Variants in NPHP4 observed in about 807,000 individuals in gnomAD.
NPHP4 encodes nephrocystin 4, also known as nephrocystin-4.
A neutral mutation model predicts 155.8 loss-of-function variants in NPHP4; 151 were observed. The observed-to-expected ratio is 0.97, with a 90% CI of 0.85 to 1.11. The LOEUF (loss-of-function observed/expected upper bound fraction) is 1.11, where lower values mean the gene tolerates loss of function less well. NPHP4 is among the 50% of genes least tolerant of loss of function. The pLI is 0.00. For synonymous variants in NPHP4, 845 were observed against 816.8 expected (o/e 1.03, Z -0.59); for missense variants, 1,956 against 1,925.7 (o/e 1.02, Z -0.29).
chr1:5,863,931 C>T lies in NPHP4; in HGVS notation c.4099G>A (p.Asp1367Asn), dbSNP rs367636423. 4.6e-5 allele frequency: 75 copies of T among 1,613,766 alleles called. No homozygotes were observed. Among genetic ancestry groups the T allele is most frequent in the African/African-American group, 3.2e-4 (24 of 74,904 alleles). Reference protein sequence around the residue: ...PSRRTFHLHSDHPELLRFRED... With the variant: ...PSRRTFHLHSNHPELLRFRED... ...CTGAACCGCAGCAGCTCCGGGTGGTCGCTGTGCAGGTGGAATGTCCTCCGG... is the reference window on the plus strand; with the variant it reads ...CTGAACCGCAGCAGCTCCGGGTGGTTGCTGTGCAGGTGGAATGTCCTCCGG... Residue 1367 changes from aspartate to asparagine, a missense_variant, in exon 29 of 30, where the codon GAC becomes AAC. Asp to Asn is a conservative substitution (Grantham distance 23, BLOSUM62 1). Coordinates refer to ENST00000378156, the MANE Select transcript of NPHP4 (RefSeq NM_015102.5).
chr1:5,927,602 T>C lies in NPHP4; in HGVS notation c.1441+47A>G, dbSNP rs373336047. 1.2e-5 allele frequency: 19 copies of C among 1,564,000 alleles called. No individual in the cohort carries two copies. The African/African-American group carries it at 1.6e-4, about 13-fold the overall frequency. ...ACCTTTCCCCGGGAAGAGATGGAAG[T>C]GCTGCCTGCCATGTGCCTGGCCAGT... On this transcript the variant is annotated intron_variant, in intron 11 of 29. Coordinates refer to ENST00000378156, the MANE Select transcript of NPHP4 (RefSeq NM_015102.5).
In NPHP4 at chr1:5,935,092, T is replaced by C. The variant is rs751239523; in HGVS notation, c.1120-1763A>G. Among the ~76,000 whole-genome samples the C allele has an allele frequency of 7.9e-4, 120 of 152,332 alleles. 2 individuals carry two copies. Among genetic ancestry groups the C allele is most frequent in the Non-Finnish European group, 1.6e-3 (106 of 68,030 alleles). On this transcript the variant is annotated intron_variant, in intron 9 of 29. Transcript: ENST00000378156. The stretch of plus-strand genomic sequence containing the variant: ...ACAGCCAACTTCATATACAAGCAGA[T>C]GTGAATACAGAAAAGAAAACAGTTC...
At chr1:5,866,586 T>A in intron 25 of NPHP4, 128 bp from the exon 26 acceptor site, 1 of 643,172 alleles carries the variant, frequency 1.6e-6, no homozygotes, top group Non-Finnish European at 2.9e-6. Flanking sequence ...CTGTTCATGT[T>A]CTATACCAAT....
intron 6 of NPHP4, among the ~76,000 whole-genome samples, chr1:5,956,686 G>C (rs1393195660): frequency 6.6e-6 from 1 of 152,174 alleles, no homozygotes; most frequent in Non-Finnish European, 1.5e-5. Flanking sequence ...CACATCTGAA[G>C]GGCTAGCTAG....
Position 5,944,820 on chromosome 1 carries a change from A to C in NPHP4, c.1119+2284T>G, listed in dbSNP as rs891614038. ...CCCCGTCTCTATTAAAAATACAAAA[A>C]TTAGCTGGGCATGGTGGCCCGTGCC... On this transcript the variant is annotated intron_variant, in intron 9 of 29. Coordinates refer to ENST00000378156, the MANE Select transcript of NPHP4 (RefSeq NM_015102.5). The surrounding 1 kb of genome is among the most constrained non-coding windows in gnomAD (Gnocchi z 4.3). Among the ~76,000 whole-genome samples the C allele has an allele frequency of 9.2e-5, 14 of 152,084 alleles. No homozygotes were observed. The highest frequency in any genetic ancestry group is 7.9e-4 in the Admixed American group (12 of 15,274).
Position 5,903,816 on chromosome 1 carries a change from C to G in NPHP4, c.2143+801G>C, listed in dbSNP as rs368442086. ...CAAGGGAGGTGTTCTAGAAGCAGAA[C>G]GTCACCTCTGCACAAATGACACAGC... On this transcript the variant is annotated intron_variant, in intron 16 of 29. Coordinates refer to ENST00000378156, the MANE Select transcript of NPHP4 (RefSeq NM_015102.5). Among the ~76,000 whole-genome samples, 20 of 152,306 alleles carry G rather than the reference C, an allele frequency of 1.3e-4. No homozygotes were observed. The East Asian group carries it at 2.1e-3, about 16-fold the overall frequency.
At chr1:5,962,686 A>G (rs1032006147) in intron 5 of NPHP4, among the ~76,000 whole-genome samples, 5 of 152,230 alleles carry the variant, frequency 3.3e-5, no homozygotes, top group African/African-American at 1.2e-4. Context: ...GATCCGAACC[A>G]CGGGACAGAT....
In NPHP4 at chr1:5,973,351, T is replaced by C. The variant is rs539886376; in HGVS notation, c.280-4092A>G. 5.9e-5 allele frequency among the ~76,000 whole-genome samples: 9 copies of C among 152,344 alleles called. No individual in the cohort carries two copies. In the East Asian group the frequency reaches 1.7e-3, roughly 29 times the overall value. ...CCCTCTGGCCTAAAGAGCAACTCCT[T>C]GGCTTACTTAGAAAAGTAAGTGAGC... On this transcript the variant is annotated intron_variant, in intron 3 of 29. Coordinates refer to ENST00000378156, the MANE Select transcript of NPHP4 (RefSeq NM_015102.5).
At chr1:5,911,020 G>T (rs975975709) in intron 11 of NPHP4, among the ~76,000 whole-genome samples, 4 of 152,226 alleles carry the variant, frequency 2.6e-5, no homozygotes, top group African/African-American at 7.2e-5. Flanking sequence ...ACAGTAACGT[G>T]GCTCCAAGGA....
At chr1:5,952,998 C>A (rs1230072329) in intron 6 of NPHP4, among the ~76,000 whole-genome samples, 162 bp from the exon 7 acceptor site, 1 of 152,174 alleles carries the variant, frequency 6.6e-6, no homozygotes, top group Admixed American at 6.5e-5. Flanking sequence ...GCCTCCACAA[C>A]AATTAAGCAA....
chr1:5,978,538 G>T, intron 2 of NPHP4, 125 bp from the exon 3 acceptor site: 1 of 866,562 alleles, frequency 1.2e-6, no homozygotes. Context: ...TTTCCTTATT[G>T]GGAGGCTACC....
intron 16 of NPHP4, 120 bp downstream of exon 16, chr1:5,904,497 G>T (rs1644819490): frequency 2.7e-6 from 2 of 746,112 alleles, no homozygotes; most frequent in Non-Finnish European, 2.1e-6. Context: ...GTCACCGTAT[G>T]ATTCTAATGT....
intron 6 of NPHP4, among the ~76,000 whole-genome samples, chr1:5,955,147 T>C (rs1171719015): frequency 6.6e-6 from 1 of 152,072 alleles, no homozygotes; most frequent in East Asian, 1.9e-4. Flanking sequence ...GCCTCACTAG[T>C]CATCAGGGAA....
chr1:5,920,587 C>A (rs1467735228), intron 11 of NPHP4, among the ~76,000 whole-genome samples: 2 of 152,194 alleles, frequency 1.3e-5, no homozygotes, highest in African/African-American at 2.4e-5. Context: ...ATCTGCTCCA[C>A]GCCAGGCAGC....
At chr1:5,864,131 C>CA (rs1014601879) in intron 28 of NPHP4, 98 bp from the exon 29 acceptor site, 12 of 1,393,734 alleles carry the variant, frequency 8.6e-6, no homozygotes, top group African/African-American at 2.8e-5. Context: ...GCACCGTGCA[C>CA]GGGGACCCCC....
intron 1 of NPHP4, among the ~76,000 whole-genome samples, chr1:5,986,840 T>C (rs548734931): frequency 6.6e-6 from 1 of 152,232 alleles, no homozygotes; most frequent in South Asian, 2.1e-4. Context: ...GATGTTTTAT[T>C]CAGCTGTGTA....
At chr1:5,954,737 G>A (rs1290448076) in intron 6 of NPHP4, among the ~76,000 whole-genome samples, 6 of 152,164 alleles carry the variant, frequency 3.9e-5, no homozygotes. Flanking sequence ...CTGAAACTAT[G>A]AAACTACTAG....
chr1:5,947,649 G>C (rs1198545014), intron 8 of NPHP4, among the ~76,000 whole-genome samples: 1 of 152,244 alleles, frequency 6.6e-6, no homozygotes, highest in Non-Finnish European at 1.5e-5. Context: ...CTGGCACCAT[G>C]AGAGAGGAAA....
chr1:5,915,700 C>T (rs1197723123), intron 11 of NPHP4, among the ~76,000 whole-genome samples: 3 of 152,166 alleles, frequency 2.0e-5, no homozygotes, highest in Non-Finnish European at 4.4e-5. Context: ...TGCCAGAGCC[C>T]TGAGCTGGGG....
Sources: allele counts gnomAD v4.1 joint callset (sites outside exome capture counted in the v4.1 genomes callset), GRCh38; gene constraint gnomAD v4.1.1; non-coding constraint Gnocchi (gnomAD v3.1); transcripts MANE v1.5; gene names NCBI Gene and HGNC (gene_info 2026-07-23, HGNC 2026-07-21).